Variants in BMPR1B observed in about 807,000 individuals in gnomAD.
BMPR1B encodes the protein bone morphogenetic protein receptor type 1B.
BMPR1B carries 12 observed loss-of-function variants against 59.1 expected under a neutral mutation model. The ratio of observed to expected loss-of-function variants is 0.20; its 90% CI spans 0.13 to 0.33. The LOEUF (loss-of-function observed/expected upper bound fraction) is 0.33, where lower values mean the gene tolerates loss of function less well. BMPR1B is among the 10% of genes least tolerant of loss of function. The pLI is 1.00. For missense variants in BMPR1B, 550 were observed against 610.9 expected (o/e 0.90, Z 1.05); for synonymous variants, 237 against 207.3 (o/e 1.14, Z -1.23).
At chr4:94,809,143 G>A (rs1227114185) in intron 1 of BMPR1B, among the ~76,000 whole-genome samples, 1 of 152,128 alleles carries the variant, frequency 6.6e-6, no homozygotes, top group Non-Finnish European at 1.5e-5. Context: ...CATGTTTGTG[G>A]TCACTTTTAT....
chr4:94,942,435 A>T (rs1729553741), intron 2 of BMPR1B, among the ~76,000 whole-genome samples: 1 of 152,192 alleles, frequency 6.6e-6, no homozygotes, highest in South Asian at 2.1e-4. Flanking sequence ...AGATAATAAA[A>T]CAAACTTTAG....
intron 2 of BMPR1B, among the ~76,000 whole-genome samples, chr4:94,917,549 C>T (rs988955741): frequency 6.6e-6 from 1 of 152,114 alleles, no homozygotes; most frequent in Admixed American, 6.6e-5. Flanking sequence ...GGGTCTGTAG[C>T]CTCTTTCTTT....
intron 3 of BMPR1B, among the ~76,000 whole-genome samples, chr4:95,061,218 C>G (rs1282818822): frequency 6.7e-6 from 1 of 148,686 alleles, no homozygotes; most frequent in Admixed American, 6.8e-5. Context: ...CACCACACAC[C>G]CCTCCATTGA....
At position 94,770,182 on chromosome 4, in the gene BMPR1B, G is replaced by GTTTT. The variant is rs1215939344; in HGVS notation, c.-183+12117_-183+12118insTTTT. Among the ~76,000 whole-genome samples the GTTTT allele has an allele frequency of 1.2e-3, 48 of 39,978 alleles. 4 individuals are homozygous for GTTTT. The highest frequency in any genetic ancestry group is 1.6e-3 in the Non-Finnish European group (32 of 20,540). 26.2% of individuals were successfully genotyped at this position (39,978 alleles called of 152,430 possible). ...TGTTTGAATTGTCCTTCGTTTCTGT[G>GTTTT]TTTGTTTTTTTTTTTTTTTTTTGCG... is the stretch of plus-strand genomic sequence containing the variant. On this transcript the variant is annotated intron_variant, in intron 1 of 12. Coordinates refer to ENST00000515059, the MANE Select transcript of BMPR1B (RefSeq NM_001203.3).
intron 3 of BMPR1B, among the ~76,000 whole-genome samples, chr4:95,019,113 T>C (rs1723793096): frequency 6.6e-6 from 1 of 152,216 alleles, no homozygotes; most frequent in South Asian, 2.1e-4. Context: ...CCACTTGTTT[T>C]ACCACTGTAG....
At chr4:94,896,830 T>C (rs770894898) in intron 2 of BMPR1B, among the ~76,000 whole-genome samples, 1 of 152,056 alleles carries the variant, frequency 6.6e-6, no homozygotes, top group Non-Finnish European at 1.5e-5. Context: ...AAGGAGAGGC[T>C]TGGATCAATA....
At chr4:95,030,403 G>T (rs1021803182) in intron 3 of BMPR1B, among the ~76,000 whole-genome samples, 2 of 152,006 alleles carry the variant, frequency 1.3e-5, no homozygotes, top group Non-Finnish European at 2.9e-5. Flanking sequence ...TTTTTCTCAG[G>T]TTTGTCAAAG....
chr4:95,091,167 G>A (rs1010187383), intron 3 of BMPR1B, among the ~76,000 whole-genome samples: 3 of 152,090 alleles, frequency 2.0e-5, no homozygotes, highest in South Asian at 2.1e-4. Context: ...TTGCATAGAC[G>A]CAGAGGTAGC....
At chr4:95,133,682 C>CCACCT (rs1026314678) in intron 10 of BMPR1B, among the ~76,000 whole-genome samples, 1 of 152,132 alleles carries the variant, frequency 6.6e-6, no homozygotes, top group African/African-American at 2.4e-5. Flanking sequence ...AGCAGTCCTC[C>CCACCT]CACCTCAGCC....
chr4:94,928,832 A>G (rs1361172370), intron 2 of BMPR1B, among the ~76,000 whole-genome samples: 4 of 152,104 alleles, frequency 2.6e-5, no homozygotes, highest in African/African-American at 9.7e-5. Context: ...TTACTAAGTC[A>G]TTTATGTCAT....
At chr4:95,121,595 T>A (rs1204817627) in intron 6 of BMPR1B, among the ~76,000 whole-genome samples, 1 of 152,194 alleles carries the variant, frequency 6.6e-6, no homozygotes, top group Non-Finnish European at 1.5e-5. Context: ...ATGCATATTA[T>A]ACATAAATAT....
At chr4:94,847,659 T>C (rs1322838919) in intron 1 of BMPR1B, among the ~76,000 whole-genome samples, 1 of 152,076 alleles carries the variant, frequency 6.6e-6, no homozygotes, top group African/African-American at 2.4e-5. Flanking sequence ...CTGGAGGACA[T>C]TATGTTAAAT....
At chr4:94,982,398 A>C (rs923208825) in intron 2 of BMPR1B, among the ~76,000 whole-genome samples, 1 of 152,172 alleles carries the variant, frequency 6.6e-6, no homozygotes, top group Non-Finnish European at 1.5e-5. Context: ...TATCTTCCAA[A>C]GGCTGCTTAT....
Position 95,043,217 on chromosome 4 carries a change from A to G in BMPR1B, c.-18+47083A>G, listed in dbSNP as rs35541375. On this transcript the variant is annotated intron_variant, in intron 3 of 12. Coordinates refer to ENST00000515059, the MANE Select transcript of BMPR1B (RefSeq NM_001203.3). ...AAAAAAAAAAAAAAAAAAAAGAATT[A>G]CCTCACAGTTTATCTATCACCTAGT... Among the ~76,000 whole-genome samples the G allele has an allele frequency of 7.3e-5, 10 of 137,176 alleles. No homozygotes were observed. In the Admixed American group the frequency reaches 7.5e-4, roughly 10 times the overall value. The allele number at this position is 137,176 out of a possible 152,430, so 90.0% of individuals were successfully genotyped here. A position where few individuals can be genotyped will look rare whatever the true frequency, so the allele number is the denominator to read the frequency against.
chr4:94,948,807 A>G (rs778338577), intron 2 of BMPR1B, among the ~76,000 whole-genome samples: 2 of 151,782 alleles, frequency 1.3e-5, no homozygotes, highest in Non-Finnish European at 2.9e-5. Flanking sequence ...CTAAATCACT[A>G]TCTCTGCCTG....
At chr4:95,051,599 G>T in intron 3 of BMPR1B, 1 of 1,123,596 alleles carries the variant, frequency 8.9e-7, no homozygotes, top group South Asian at 1.4e-5. Context: ...CTTGCGAGAA[G>T]ATCTGACAAG....
chr4:95,114,379 A>G (rs540450376), intron 4 of BMPR1B, among the ~76,000 whole-genome samples: 1 of 152,240 alleles, frequency 6.6e-6, no homozygotes, highest in South Asian at 2.1e-4. Context: ...ATTTGTCTGG[A>G]AAAGTAGTAT....
At chr4:94,920,442 G>T (rs1487123768) in intron 2 of BMPR1B, among the ~76,000 whole-genome samples, 1 of 152,050 alleles carries the variant, frequency 6.6e-6, no homozygotes, top group Non-Finnish European at 1.5e-5. Flanking sequence ...AGAGTTTTAT[G>T]GGGGCTCCCC....
intron 1 of BMPR1B, among the ~76,000 whole-genome samples, chr4:94,781,779 A>G (rs1279945401): frequency 1.3e-5 from 2 of 152,162 alleles, no homozygotes; most frequent in African/African-American, 4.8e-5. Flanking sequence ...CATAAGACTC[A>G]TGGTTGATGG....
Sources: gnomAD v4.1 joint callset for allele counts (sites outside exome capture counted in the v4.1 genomes callset) on GRCh38, gnomAD v4.1.1 for gene constraint, MANE v1.5 for transcripts, NCBI Gene and HGNC (gene_info 2026-07-23, HGNC 2026-07-21) for gene names.